Variants in ZBTB20 observed in about 807,000 individuals in gnomAD.
The protein encoded by ZBTB20 is zinc finger and BTB domain containing 20.
ZBTB20 carries 9 observed loss-of-function variants against 56.9 expected under a neutral mutation model. The ratio of observed to expected loss-of-function variants is 0.16; its 90% CI spans 0.10 to 0.28. ZBTB20 has a LOEUF of 0.28. Among genes scored for constraint, ZBTB20 ranks in the 10% least tolerant of loss-of-function variants. The pLI is 1.00. For synonymous variants in ZBTB20, 417 were observed against 420.7 expected (o/e 0.99, Z 0.11); for missense variants, 655 against 1,003.0 (o/e 0.65, Z 4.69).
rs980521240 is a variant in ZBTB20, at chr3:114,331,181, A to G, written c.*7824T>C. ...GGAAAGGAATGAAGACCTTTGAGCTATGGGATGGCTCAGGCCAAAGTTTGT... is the reference window on the plus strand; with the variant it reads ...GGAAAGGAATGAAGACCTTTGAGCTGTGGGATGGCTCAGGCCAAAGTTTGT... On this transcript the variant is annotated 3_prime_UTR_variant, in exon 12 of 12. Transcript: ENST00000675478. 4.6e-5 allele frequency: 7 copies of G among 152,010 alleles called. No homozygotes were observed. The highest frequency in any genetic ancestry group is 3.1e-3 in the Middle Eastern group (1 of 322). 9.4% of individuals were successfully genotyped at this position (152,010 alleles called of 1,614,324 possible).
intron 7 of ZBTB20, among the ~76,000 whole-genome samples, chr3:114,417,407 C>T (rs890264775): frequency 2.0e-5 from 3 of 152,012 alleles, no homozygotes; most frequent in Admixed American, 2.0e-4. Flanking sequence ...TAGACTTCCA[C>T]GAAGATTCTG....
At chr3:114,380,613 A>G (rs1391794051) in intron 9 of ZBTB20, among the ~76,000 whole-genome samples, 164 bp downstream of exon 9, 2 of 152,148 alleles carry the variant, frequency 1.3e-5, no homozygotes, top group African/African-American at 2.4e-5. Flanking sequence ...ATATGGGCCA[A>G]GCAAACAGCA....
At chr3:114,592,972 G>A (rs535371850) in intron 6 of ZBTB20, among the ~76,000 whole-genome samples, 1 of 152,292 alleles carries the variant, frequency 6.6e-6, no homozygotes, top group East Asian at 1.9e-4. Flanking sequence ...CTGGGTCCAT[G>A]ACGGCTGTTT....
intron 2 of ZBTB20, among the ~76,000 whole-genome samples, chr3:115,060,919 G>T (rs2081989075): frequency 6.6e-6 from 1 of 152,048 alleles, no homozygotes; most frequent in South Asian, 2.1e-4. Flanking sequence ...AATTTTGCAG[G>T]AGATAAAGTT....
chr3:114,860,319 AT>A (rs1305702657), intron 4 of ZBTB20, among the ~76,000 whole-genome samples: 3 of 145,216 alleles, frequency 2.1e-5, no homozygotes, highest in Admixed American at 6.9e-5. Flanking sequence ...AAAAAAAAAA[AT>A]TCTGAAATTA....
chr3:114,399,293 G>C (rs2086609889), intron 7 of ZBTB20, among the ~76,000 whole-genome samples: 1 of 151,824 alleles, frequency 6.6e-6, no homozygotes, highest in Non-Finnish European at 1.5e-5. Context: ...CTACCTTCCT[G>C]GATATAAAGC....
intron 4 of ZBTB20, among the ~76,000 whole-genome samples, chr3:114,889,429 A>C (rs1365462031): frequency 6.6e-6 from 1 of 152,048 alleles, no homozygotes; most frequent in African/African-American, 2.4e-5. Context: ...TCAGAGATGA[A>C]TCTATTTATA....
intron 6 of ZBTB20, among the ~76,000 whole-genome samples, chr3:114,542,534 GAATTAAAGAGGA>G (rs1469009691): frequency 6.6e-6 from 1 of 152,176 alleles, no homozygotes; most frequent in Non-Finnish European, 1.5e-5. Context: ...TTCCAGACAG[GAATTAAAGAGGA>G]GGGGCTGGGG....
chr3:114,665,853 G>A (rs2061022801), intron 6 of ZBTB20, among the ~76,000 whole-genome samples: 1 of 152,002 alleles, frequency 6.6e-6, no homozygotes, highest in Non-Finnish European at 1.5e-5. Context: ...GACTGCCATG[G>A]AAGCTTTCTA....
chr3:114,392,622 C>T (rs1038394966), intron 7 of ZBTB20, among the ~76,000 whole-genome samples: 1 of 152,168 alleles, frequency 6.6e-6, no homozygotes, highest in African/African-American at 2.4e-5. Flanking sequence ...GCCACATTAA[C>T]ACTTCTTTTT....
chr3:114,911,343 T>C (rs929190836), intron 3 of ZBTB20, among the ~76,000 whole-genome samples: 1 of 151,878 alleles, frequency 6.6e-6, no homozygotes, highest in Non-Finnish European at 1.5e-5. Flanking sequence ...CACTAATGCC[T>C]CAGGTGACAG....
Position 114,783,214 on chromosome 3 carries a change from T to C in ZBTB20, c.-343+17887A>G, listed in dbSNP as rs115170138. Reference sequence around the variant, plus strand: ...ACTACATGTTATGGAAATATGTAATTATAAGCAATTTATACTTAAACTCAT... The same window carrying C: ...ACTACATGTTATGGAAATATGTAATCATAAGCAATTTATACTTAAACTCAT... On this transcript the variant is annotated intron_variant, in intron 5 of 11. Coordinates refer to ENST00000675478, the MANE Select transcript of ZBTB20 (RefSeq NM_001348800.3). Among the ~76,000 whole-genome samples the C allele has an allele frequency of 7.7e-3, 1,179 of 152,290 alleles. 10 individuals are homozygous for C. The highest frequency in any genetic ancestry group is 0.026 in the African/African-American group (1,066 of 41,536).
chr3:114,629,084 T>A (rs1313830617), intron 6 of ZBTB20, among the ~76,000 whole-genome samples: 2 of 152,184 alleles, frequency 1.3e-5, no homozygotes, highest in East Asian at 3.8e-4. Flanking sequence ...TGCTTCAGTG[T>A]CAGTATTCTG....
chr3:114,847,096 A>G (rs2074743417), intron 4 of ZBTB20, among the ~76,000 whole-genome samples: 1 of 152,200 alleles, frequency 6.6e-6, no homozygotes, highest in South Asian at 2.1e-4. Flanking sequence ...AAATGGTTTT[A>G]GTACCACAAC....
chr3:115,043,300 T>C lies in ZBTB20; in HGVS notation c.-507+27919A>G, dbSNP rs1034313067. On this transcript the variant is annotated intron_variant, in intron 2 of 11. Coordinates refer to ENST00000675478, the MANE Select transcript of ZBTB20 (RefSeq NM_001348800.3). ...AAGGCCAGGCATGGTGGCTCACACCTGTAATCCCAGCACTCTGGGAGGCCA... is the reference window on the plus strand; with the variant it reads ...AAGGCCAGGCATGGTGGCTCACACCCGTAATCCCAGCACTCTGGGAGGCCA... Among the ~76,000 whole-genome samples, 5 of 152,186 alleles carry C rather than the reference T, an allele frequency of 3.3e-5. No individual in the cohort carries two copies. The East Asian group carries it at 9.7e-4, about 29-fold the overall frequency.
In ZBTB20 at chr3:114,350,714, C is replaced by T; in HGVS notation, c.1364G>A (p.Ser455Asn). 2 of 1,614,214 alleles carry T rather than the reference C, an allele frequency of 1.2e-6. No individual in the cohort carries two copies. The highest frequency in any genetic ancestry group is 1.1e-5 in the South Asian group (1 of 91,090). The change falls in exon 11 of 12, where the codon AGC becomes AAC. Residue 455 changes from serine (S) to asparagine (N), a missense_variant. Physicochemically the swap from Ser to Asn is conservative, Grantham distance 46. Transcript: ENST00000675478. ...GTTGACCGAAGGCTGTTGTAGGACG[C>T]TCTTGTCGGAGCTGTTGCTGACAGT... ...VITVSNSSDK[S>N]VLQQPSVNTS...
intron 10 of ZBTB20, among the ~76,000 whole-genome samples, chr3:114,353,640 C>T (rs963833301): frequency 3.3e-5 from 5 of 152,130 alleles, no homozygotes; most frequent in Non-Finnish European, 5.9e-5. Flanking sequence ...GCACAAATAA[C>T]CCAGGAAGGG....
chr3:114,785,769 G>T (rs1005960293), intron 5 of ZBTB20, among the ~76,000 whole-genome samples: 29 of 152,152 alleles, frequency 1.9e-4, no homozygotes, highest in African/African-American at 7.0e-4. Flanking sequence ...GCATGTGTGT[G>T]AGTATGTGTG....
chr3:114,732,726 C>A (rs1015737357), intron 5 of ZBTB20, among the ~76,000 whole-genome samples: 1 of 152,152 alleles, frequency 6.6e-6, no homozygotes, highest in Admixed American at 6.6e-5. Context: ...TAGCCACGAC[C>A]TTTACCTAAT....
Sources: allele counts gnomAD v4.1 joint callset (sites outside exome capture counted in the v4.1 genomes callset), GRCh38; gene constraint gnomAD v4.1.1; transcripts MANE v1.5; gene names NCBI Gene and HGNC (gene_info 2026-07-23, HGNC 2026-07-21).